ITCH: variants seen among roughly 807,000 people sequenced by gnomAD.
ITCH encodes E3 ubiquitin-protein ligase Itchy homolog.
Under a neutral mutation model 126.8 loss-of-function variants are expected in ITCH, and 28 were observed. That is an observed-to-expected ratio of 0.22 (90% CI 0.16 to 0.30). The LOEUF (loss-of-function observed/expected upper bound fraction) is 0.30. Among genes scored for constraint, ITCH ranks in the 10% least tolerant of loss-of-function variants. The probability of loss-of-function intolerance (pLI) is 1.00; values close to 1 mark genes in which losing one functional copy is unlikely to be tolerated. For missense variants in ITCH, 631 were observed against 1,032.4 expected, an observed-to-expected ratio of 0.61 and a Z score of 5.33; for synonymous variants, 342 against 340.0, an observed-to-expected ratio of 1.01 and a Z score of -0.06.
chr20:34,426,446 TTTG>T (rs1335653423), intron 7 of ITCH, among the ~76,000 whole-genome samples: 4 of 152,012 alleles, frequency 2.6e-5, no homozygotes, highest in African/African-American at 9.7e-5. Flanking sequence ...TTTTTTTTGT[TTTG>T]TTTTTTTGTT....
intron 9 of ITCH, among the ~76,000 whole-genome samples, chr20:34,440,598 A>G (rs1350294213): frequency 6.6e-6 from 1 of 152,034 alleles, no homozygotes; most frequent in African/African-American, 2.4e-5. Context: ...CTAGGATTAC[A>G]GGTGTGCACT....
chr20:34,477,811 T>C lies in ITCH; in HGVS notation c.1609T>C (p.Trp537Arg). ...FSPQDLRRRL[W>R]VIFPGEEGLD... ...TCCCCAAGATCTGCGAAGACGTTTG[T>C]GGGTGATTTTTCCAGGAGAAGAAGG... The change falls in exon 17 of 25, where the codon TGG becomes CGG. Residue 537 changes from tryptophan to arginine, a missense_variant. Coordinates refer to ENST00000374864, the MANE Select transcript of ITCH (RefSeq NM_031483.7). 6.2e-7 allele frequency: 1 copy of C among 1,613,726 alleles called. No individual in the cohort carries two copies. The highest frequency in any genetic ancestry group is 8.5e-7 in the Non-Finnish European group (1 of 1,179,708).
chr20:34,436,166 A>G (rs572977672), intron 7 of ITCH, among the ~76,000 whole-genome samples: 50 of 152,284 alleles, frequency 3.3e-4, no homozygotes, highest in African/African-American at 1.2e-3. Flanking sequence ...TATCTCATGC[A>G]CTGAATGTTC....
chr20:34,386,592 G>C (rs1314639352), intron 2 of ITCH, among the ~76,000 whole-genome samples: 3 of 151,930 alleles, frequency 2.0e-5, no homozygotes, highest in Non-Finnish European at 4.4e-5. Flanking sequence ...TAGTTTTTTT[G>C]TGTCTTCTGA....
chr20:34,483,169 G>A (rs553757127), intron 20 of ITCH, among the ~76,000 whole-genome samples: 3 of 152,280 alleles, frequency 2.0e-5, no homozygotes, highest in East Asian at 1.9e-4. Context: ...GATAGGAGGG[G>A]CTTCCATGAA....
chr20:34,400,331 T>C (rs2038831145), intron 3 of ITCH, among the ~76,000 whole-genome samples: 1 of 152,048 alleles, frequency 6.6e-6, no homozygotes, highest in African/African-American at 2.4e-5. Flanking sequence ...TTTCCATAAG[T>C]GTTGGAATTA....
At chr20:34,503,880 T>G (rs1328038253) in intron 23 of ITCH, among the ~76,000 whole-genome samples, 4,669 of 118,166 alleles carry the variant, frequency 0.04, 277 homozygotes, top group East Asian at 0.1. Flanking sequence ...GTTTTTTTTT[T>G]TTTGGTTTTT....
At position 34,460,130 on chromosome 20, in the gene ITCH, T is replaced by C. The variant is rs575102676; in HGVS notation, c.1296-1963T>C. 1.5e-4 allele frequency among the ~76,000 whole-genome samples: 23 copies of C among 152,326 alleles called. No homozygotes were observed. In the South Asian group the frequency reaches 4.8e-3, roughly 32 times the overall value. ...ATTGAGAATCCTCTTTTTTACATTT[T>C]TGGTAGTCTGTTTTATCTGACATTT... On this transcript the variant is annotated intron_variant, in intron 13 of 24. Coordinates refer to ENST00000374864, the MANE Select transcript of ITCH (RefSeq NM_031483.7).
At chr20:34,466,973 C>CTTT (rs1363299222) in intron 14 of ITCH, among the ~76,000 whole-genome samples, 1 of 151,908 alleles carries the variant, frequency 6.6e-6, no homozygotes, top group Admixed American at 6.6e-5. Flanking sequence ...AACAATGGAG[C>CTTT]GCCCAAAGCT....
chr20:34,431,386 T>C (rs1229899606), intron 7 of ITCH, among the ~76,000 whole-genome samples: 1 of 151,922 alleles, frequency 6.6e-6, no homozygotes, highest in East Asian at 1.9e-4. Context: ...GCACTCCAGC[T>C]TGAGTGACAG....
chr20:34,462,427 C>T lies in ITCH; in HGVS notation c.1424+206C>T, dbSNP rs1244428000. On this transcript the variant is annotated intron_variant, in intron 14 of 24. Coordinates refer to ENST00000374864, the MANE Select transcript of ITCH (RefSeq NM_031483.7). The stretch of plus-strand genomic sequence containing the variant: ...TTTCATATTTGTTACCATTTGTTCA[C>T]ACAGCACTAAATGAAACTATTTAGA... Among the ~76,000 whole-genome samples the T allele has an allele frequency of 2.0e-5, 3 of 152,114 alleles. No individual in the cohort carries two copies. The East Asian group carries it at 5.8e-4, about 29-fold the overall frequency.
chr20:34,507,797 T>C lies in ITCH; in HGVS notation c.*3T>C, dbSNP rs1317781027. ...CAGAAGGATTTGGACAAGAGTAACTTCTGAGAACTTGCACCATGAATGGGC... is the reference window on the plus strand; with the variant it reads ...CAGAAGGATTTGGACAAGAGTAACTCCTGAGAACTTGCACCATGAATGGGC... On this transcript the variant is annotated 3_prime_UTR_variant, in exon 25 of 25. Coordinates refer to ENST00000374864, the MANE Select transcript of ITCH (RefSeq NM_031483.7). 11 of 1,607,926 alleles carry C rather than the reference T, an allele frequency of 6.8e-6. No individual in the cohort carries two copies. The highest frequency in any genetic ancestry group is 9.4e-6 in the Non-Finnish European group (11 of 1,174,488).
intron 9 of ITCH, among the ~76,000 whole-genome samples, chr20:34,441,214 T>C (rs567581505): frequency 3.0e-4 from 45 of 151,716 alleles, no homozygotes; most frequent in Non-Finnish European, 5.9e-4. Flanking sequence ...AGAGGTTGCA[T>C]TGAGCCAAGA....
intron 22 of ITCH, among the ~76,000 whole-genome samples, chr20:34,491,262 AC>A (rs1317425392): frequency 6.6e-6 from 1 of 152,240 alleles, no homozygotes; most frequent in Non-Finnish European, 1.5e-5. Flanking sequence ...AACCTTAAAA[AC>A]ATTATGAATT....
At chr20:34,489,738 C>G (rs1423821591) in intron 21 of ITCH, 84 bp from the exon 22 acceptor site, 1 of 904,366 alleles carries the variant, frequency 1.1e-6, no homozygotes, top group Admixed American at 1.7e-5. Context: ...TATTCTAAAG[C>G]TTTGCTTAAT....
intron 11 of ITCH, among the ~76,000 whole-genome samples, chr20:34,446,770 A>G (rs1486024882): frequency 6.6e-6 from 1 of 152,196 alleles, no homozygotes; most frequent in Non-Finnish European, 1.5e-5. Context: ...ATGGGTGTTC[A>G]GTGGAAAGAG....
At chr20:34,405,780 CT>C (rs11455038) in intron 3 of ITCH, among the ~76,000 whole-genome samples, 1 of 150,714 alleles carries the variant, frequency 6.6e-6, no homozygotes. Flanking sequence ...TTTAATAGTA[CT>C]TTTTTTTTAT....
intron 2 of ITCH, among the ~76,000 whole-genome samples, chr20:34,385,054 G>T (rs1397748192): frequency 6.6e-6 from 1 of 151,226 alleles, no homozygotes; most frequent in African/African-American, 2.4e-5. Context: ...TCACTCTGTC[G>T]CTCAGGTTGG....
intron 14 of ITCH, among the ~76,000 whole-genome samples, chr20:34,464,455 T>A (rs570755812): frequency 6.6e-6 from 1 of 151,728 alleles, no homozygotes; most frequent in East Asian, 1.9e-4. Context: ...GCCTCCCGAG[T>A]CGCTGGGATT....
Sources: allele counts gnomAD v4.1 joint callset (sites outside exome capture counted in the v4.1 genomes callset), GRCh38; gene constraint gnomAD v4.1.1; transcripts MANE v1.5; gene names NCBI Gene and HGNC (gene_info 2026-07-23, HGNC 2026-07-21).